Variants in SEPTIN6 observed in about 807,000 individuals in gnomAD.
SEPTIN6 encodes septin 6, also known as septin-6.
In SEPTIN6, 8 loss-of-function variants were observed where a neutral mutation model predicts 33.6. The ratio of observed to expected loss-of-function variants is 0.24; its 90% CI spans 0.14 to 0.43. The LOEUF (loss-of-function observed/expected upper bound fraction) is 0.43, where lower values mean the gene tolerates loss of function less well. Among genes scored for constraint, SEPTIN6 ranks in the 20% least tolerant of loss-of-function variants. The pLI, the probability that SEPTIN6 is intolerant of heterozygous loss-of-function variation, is 1.00. For missense variants in SEPTIN6, 250 were observed against 340.8 expected (o/e 0.73, Z 2.10); for synonymous variants, 131 against 140.0 (o/e 0.94, Z 0.45).
chrX:119,653,509 A>G (rs960594016), intron 3 of SEPTIN6, among the ~76,000 whole-genome samples: 3 of 112,547 alleles, frequency 2.7e-5, no homozygotes, highest in African/African-American at 9.7e-5. Context: ...CCAACACAGC[A>G]TGGAGCCCAC....
chrX:119,616,941 C>T, downstream of SEPTIN6: 1 of 1,052,767 alleles, frequency 9.5e-7, no homozygotes, highest in South Asian at 2.8e-5. Context: ...ACACCACACA[C>T]CAGTTTAAAG....
At chrX:119,657,213 C>T (rs1428858504) in intron 3 of SEPTIN6, among the ~76,000 whole-genome samples, 9 of 101,167 alleles carry the variant, frequency 8.9e-5, no homozygotes, top group African/African-American at 3.0e-4. Flanking sequence ...AGTGAGATTC[C>T]GTCTCAAAAA....
intron 9 of SEPTIN6, among the ~76,000 whole-genome samples, chrX:119,627,127 T>C (rs1037087235): frequency 1.8e-5 from 2 of 111,731 alleles, no homozygotes; most frequent in Non-Finnish European, 3.8e-5. Flanking sequence ...AGGTGTTTCT[T>C]CCTTCTGGCA....
chrX:119,628,161 T>C (rs1211021009), intron 9 of SEPTIN6, among the ~76,000 whole-genome samples: 1 of 107,153 alleles, frequency 9.3e-6, no homozygotes, highest in Non-Finnish European at 1.9e-5. Flanking sequence ...CTCACTCCGT[T>C]GCCCAGGCTG....
intron 5 of SEPTIN6, among the ~76,000 whole-genome samples, chrX:119,643,218 C>A (rs1044978330): frequency 9.1e-6 from 1 of 110,122 alleles, no homozygotes; most frequent in Non-Finnish European, 1.9e-5. Flanking sequence ...CCTGGAGAGA[C>A]CCCACAGCTT....
intron 5 of SEPTIN6, among the ~76,000 whole-genome samples, chrX:119,647,715 G>A (rs1230917728): frequency 9.2e-6 from 1 of 108,873 alleles, no homozygotes; most frequent in Non-Finnish European, 1.9e-5. Flanking sequence ...GTGCAAAGGC[G>A]AGATCTCAGC....
At chrX:119,666,765 A>C (rs73637876) in intron 2 of SEPTIN6, among the ~76,000 whole-genome samples, 13,391 of 111,123 alleles carry the variant, frequency 0.12, 694 homozygotes, top group Admixed American at 0.24. Flanking sequence ...CCTCCCCTAA[A>C]GGAACAGGAA....
Position 119,643,483 on chromosome X carries a change from C to G in SEPTIN6, c.691-2695G>C, listed in dbSNP as rs552997560. ...TTGCATTTTTACCATCAAGAGACAC[C>G]GTCAGAATGATAGGGTGACTTGCTT... On this transcript the variant is annotated intron_variant, in intron 5 of 10. Transcript: ENST00000394610. 1.9e-4 allele frequency among the ~76,000 whole-genome samples: 21 copies of G among 110,712 alleles called. No individual in the cohort carries two copies. The South Asian group carries it at 8.0e-3, about 42-fold the overall frequency.
At chrX:119,663,285 G>A (rs2054577637) in intron 3 of SEPTIN6, among the ~76,000 whole-genome samples, 197 bp downstream of exon 3, 2 of 111,374 alleles carry the variant, frequency 1.8e-5, no homozygotes, top group Admixed American at 1.9e-4. Context: ...GGCAAAGTGA[G>A]TGGAGTGGAA....
At chrX:119,692,123 A>ATGTTT (rs2055182615) in intron 1 of SEPTIN6, among the ~76,000 whole-genome samples, 1 of 110,070 alleles carries the variant, frequency 9.1e-6, no homozygotes, top group Non-Finnish European at 1.9e-5. Flanking sequence ...TTTTTCCCAG[A>ATGTTT]GTCGGTCGCC....
intron 5 of SEPTIN6, among the ~76,000 whole-genome samples, chrX:119,643,820 C>A (rs1327960811): frequency 4.5e-5 from 5 of 111,608 alleles, no homozygotes; most frequent in Non-Finnish European, 7.5e-5. Context: ...CCAACCTCTC[C>A]CAGCCACCTA....
At chrX:119,659,921 G>A (rs142366675) in intron 3 of SEPTIN6, among the ~76,000 whole-genome samples, 5,669 of 111,646 alleles carry the variant, frequency 0.051, 327 homozygotes, top group African/African-American at 0.17. Context: ...TGTCTAGGCT[G>A]GAGTGCCATG....
intron 1 of SEPTIN6, among the ~76,000 whole-genome samples, chrX:119,678,320 A>G (rs2054877718): frequency 9.1e-6 from 1 of 110,205 alleles, no homozygotes; most frequent in African/African-American, 3.3e-5. Context: ...GGAGATGGAG[A>G]CCATCCTGGC....
intron 2 of SEPTIN6, among the ~76,000 whole-genome samples, chrX:119,668,813 G>A (rs2054693557): frequency 9.0e-6 from 1 of 111,244 alleles, no homozygotes; most frequent in Admixed American, 9.6e-5. Context: ...TAGGTTTTTG[G>A]GGACAGGTGG....
rs201323262 is a variant in SEPTIN6 at position 119,633,400 on chromosome X, A to G, written c.1049T>C (p.Val350Ala). The G allele has an allele frequency of 8.3e-7, 1 of 1,207,919 alleles. No individual in the cohort carries two copies. The highest frequency in any genetic ancestry group is 1.8e-5 in the African/African-American group (1 of 56,979). The change falls in exon 8 of 11, where the codon GTC becomes GCC. Residue 350 changes from valine (V) to alanine (A), a missense_variant. Val to Ala is a moderately conservative substitution (Grantham distance 64). Transcript: ENST00000394610. Reference protein sequence around the residue: ...EEMRQMFVQRVKEKEAELKEA... With the variant: ...EEMRQMFVQRAKEKEAELKEA... ...TTTGAGCTCCGCTTCTTTCTCTTTG[A>G]CTCGCTGGACGAACATCTGTCTCAT...
At chrX:119,660,492 C>T (rs1273934748) in intron 3 of SEPTIN6, among the ~76,000 whole-genome samples, 3 of 111,764 alleles carry the variant, frequency 2.7e-5, no homozygotes, top group African/African-American at 6.5e-5. Context: ...AAAACTATAA[C>T]GGAAGTAGAT....
At chrX:119,654,143 C>A (rs754579140) in intron 3 of SEPTIN6, among the ~76,000 whole-genome samples, 57 of 111,438 alleles carry the variant, frequency 5.1e-4, no homozygotes, top group Admixed American at 4.6e-3. Context: ...ACACCCTGCA[C>A]ACATGGACAC....
At position 119,617,051 on chromosome X, in the gene SEPTIN6, C is replaced by A; in HGVS notation, c.*3042G>T. 1 of 932,172 alleles carries A rather than the reference C, an allele frequency of 1.1e-6. No homozygotes were observed. The highest frequency in any genetic ancestry group is 1.3e-6 in the Non-Finnish European group (1 of 750,166). 76.8% of individuals were successfully genotyped at this position (932,172 alleles called of 1,213,427 possible). A position where few individuals can be genotyped will look rare whatever the true frequency, so the allele number is the denominator to read the frequency against. ...AAAACAAGAGCCATCTACACTGCAG[C>A]TAGGGAAAGCAAACTTCTTGGCTTA... On this transcript the variant is annotated 3_prime_UTR_variant, in exon 11 of 11. Transcript: ENST00000394610.
chrX:119,647,278 G>C (rs1270930239), intron 5 of SEPTIN6, among the ~76,000 whole-genome samples: 5 of 108,511 alleles, frequency 4.6e-5, no homozygotes. Flanking sequence ...TAAGTGGTGA[G>C]TGATTTATGA....
Sources: allele counts gnomAD v4.1 joint callset (sites outside exome capture counted in the v4.1 genomes callset), GRCh38; gene constraint gnomAD v4.1.1; transcripts MANE v1.5; gene names NCBI Gene and HGNC (gene_info 2026-07-23, HGNC 2026-07-21).